The following SIN3A variants were observed in gnomAD, a reference collection of about 807,000 sequenced individuals.
SIN3A encodes the protein paired amphipathic helix protein Sin3a.
Under a neutral mutation model 146.1 loss-of-function variants are expected in SIN3A, and 14 were observed. The ratio of observed to expected loss-of-function variants is 0.10; its 90% CI spans 0.06 to 0.15. The LOEUF (loss-of-function observed/expected upper bound fraction) is 0.15, where lower values mean the gene tolerates loss of function less well. Among genes scored for constraint, SIN3A ranks in the 10% least tolerant of loss-of-function variants. SIN3A has a pLI of 1.00. For missense variants in SIN3A, 1,028 were observed against 1,576.0 expected (o/e 0.65, Z 5.89); for synonymous variants, 572 against 572.0 (o/e 1.00, Z 0.00).
At chr15:75,379,158 A>T (rs879858901) in intron 19 of SIN3A, among the ~76,000 whole-genome samples, 1 of 152,210 alleles carries the variant, frequency 6.6e-6, no homozygotes, top group Non-Finnish European at 1.5e-5. Context: ...TCGGCCTCCC[A>T]AAGTGCTGGA....
chr15:75,439,737 CTCTTA>C (rs1452102651), intron 1 of SIN3A, among the ~76,000 whole-genome samples: 2 of 152,114 alleles, frequency 1.3e-5, no homozygotes, highest in Admixed American at 6.6e-5. Flanking sequence ...TTTTTTAGAA[CTCTTA>C]TCTTTTTTTA....
chr15:75,420,062 G>A (rs1378934663), intron 3 of SIN3A: 2 of 152,066 alleles, frequency 1.3e-5, no homozygotes, highest in African/African-American at 4.8e-5. Context: ...CAGATTTAAG[G>A]AAGCACTTGG....
intron 1 of SIN3A, among the ~76,000 whole-genome samples, chr15:75,440,982 C>CAAAAA (rs769091157): frequency 1.4e-5 from 1 of 71,560 alleles, no homozygotes. Flanking sequence ...GACTCTGTCT[C>CAAAAA]AAAAAAAAAA....
At chr15:75,437,706 C>T (rs560436695) in intron 1 of SIN3A, among the ~76,000 whole-genome samples, 2 of 152,230 alleles carry the variant, frequency 1.3e-5, no homozygotes, top group East Asian at 1.9e-4. Flanking sequence ...TGTCAAGTCC[C>T]GCTTCAGCCA....
chr15:75,397,105 T>G (rs552855723), intron 12 of SIN3A, among the ~76,000 whole-genome samples: 1 of 152,326 alleles, frequency 6.6e-6, no homozygotes, highest in South Asian at 2.1e-4. Context: ...GGGTAACCAT[T>G]TAAATTCTTA....
intron 16 of SIN3A, among the ~76,000 whole-genome samples, chr15:75,385,870 A>T (rs1219164524): frequency 6.6e-6 from 1 of 152,234 alleles, no homozygotes; most frequent in Non-Finnish European, 1.5e-5. Flanking sequence ...CAATGAGTCC[A>T]GATAAAGGAT....
intron 2 of SIN3A, among the ~76,000 whole-genome samples, chr15:75,425,227 G>A (rs2073905121): frequency 6.6e-6 from 1 of 152,204 alleles, no homozygotes; most frequent in South Asian, 2.1e-4. Flanking sequence ...CTGGAGTGCA[G>A]TAGCACAATT....
At chr15:75,424,814 T>C (rs1453078358) in intron 2 of SIN3A, among the ~76,000 whole-genome samples, 3 of 152,188 alleles carry the variant, frequency 2.0e-5, no homozygotes, top group Non-Finnish European at 4.4e-5. Flanking sequence ...AAAATGATCA[T>C]GTCCAATTGC....
chr15:75,406,694 AAAG>A (rs775712017), intron 9 of SIN3A, among the ~76,000 whole-genome samples: 2 of 152,246 alleles, frequency 1.3e-5, no homozygotes, highest in Non-Finnish European at 2.9e-5. Context: ...TCAAAAAAAA[AAAG>A]ATTACAAGTC....
At chr15:75,393,291 T>G (rs1310860190) in intron 14 of SIN3A, among the ~76,000 whole-genome samples, 1 of 152,168 alleles carries the variant, frequency 6.6e-6, no homozygotes, top group African/African-American at 2.4e-5. Context: ...AACAAATAGG[T>G]AATGACAGAG....
chr15:75,423,317 T>A (rs1369897602), intron 2 of SIN3A, among the ~76,000 whole-genome samples: 1 of 152,054 alleles, frequency 6.6e-6, no homozygotes, highest in Non-Finnish European at 1.5e-5. Context: ...AACCCAAATT[T>A]TCCACAAAAG....
chr15:75,371,881 G>T lies in SIN3A; in HGVS notation c.*98C>A. 8.9e-7 allele frequency: 1 copy of T among 1,122,494 alleles called. No homozygotes were observed. The allele number at this position is 1,122,494 out of a possible 1,614,324, so 69.5% of individuals were successfully genotyped here. On this transcript the variant is annotated 3_prime_UTR_variant, in exon 21 of 21. Coordinates refer to ENST00000394947, the MANE Select transcript of SIN3A (RefSeq NM_001145358.2). ...CCATGTCCCAGAGAGGCCCAGTGAGGCTTGAAAGGCATCTTCCTTGTTTCT... is the reference window on the plus strand; with the variant it reads ...CCATGTCCCAGAGAGGCCCAGTGAGTCTTGAAAGGCATCTTCCTTGTTTCT...
chr15:75,444,510 T>C (rs1381590363), intron 1 of SIN3A, among the ~76,000 whole-genome samples: 1 of 151,860 alleles, frequency 6.6e-6, no homozygotes, highest in Non-Finnish European at 1.5e-5. Flanking sequence ...ATAAAAGTCA[T>C]GAAATATACA....
intron 1 of SIN3A, among the ~76,000 whole-genome samples, chr15:75,439,888 C>T (rs528139543): frequency 5.9e-5 from 9 of 151,886 alleles, no homozygotes; most frequent in Admixed American, 3.9e-4. Context: ...TGGTGGCTCA[C>T]GCCTGTAATC....
At chr15:75,415,720 G>A (rs1290221754) in intron 3 of SIN3A, 6 of 163,482 alleles carry the variant, frequency 3.7e-5, no homozygotes, top group Non-Finnish European at 6.6e-5. Context: ...GCATGGTGGC[G>A]CATGTCTGTA....
chr15:75,385,056 C>T (rs1187623090), intron 16 of SIN3A, among the ~76,000 whole-genome samples: 1 of 152,082 alleles, frequency 6.6e-6, no homozygotes, highest in Non-Finnish European at 1.5e-5. Flanking sequence ...GCCTGTAATC[C>T]CAGCTACTTG....
rs973496315 is a variant in SIN3A at position 75,390,763 on chromosome 15, G to T, written c.2852-942C>A. On this transcript the variant is annotated intron_variant, in intron 15 of 20. Coordinates refer to ENST00000394947, the MANE Select transcript of SIN3A (RefSeq NM_001145358.2). ...TACCTTATATGTATTTTTTTGTAGAGATGGGGTCTCACTTATTAACCAGGC... is the reference window on the plus strand; with the variant it reads ...TACCTTATATGTATTTTTTTGTAGATATGGGGTCTCACTTATTAACCAGGC... 1.1e-4 allele frequency among the ~76,000 whole-genome samples: 17 copies of T among 152,132 alleles called. No individual in the cohort carries two copies. In the East Asian group the frequency reaches 3.3e-3, roughly 29 times the overall value.
chr15:75,409,702 G>C, intron 8 of SIN3A, 134 bp downstream of exon 8: 1 of 928,672 alleles, frequency 1.1e-6, no homozygotes, highest in South Asian at 1.7e-5. Flanking sequence ...ACTCCAGCTT[G>C]GGCGACAGAG....
chr15:75,411,914 G>A (rs1010339707), intron 5 of SIN3A, among the ~76,000 whole-genome samples, 171 bp from the exon 6 acceptor site: 4 of 152,160 alleles, frequency 2.6e-5, no homozygotes, highest in East Asian at 3.9e-4. Context: ...AGTTGTAGGC[G>A]GTTCAAACAT....
Sources: allele counts gnomAD v4.1 joint callset (sites outside exome capture counted in the v4.1 genomes callset), GRCh38; gene constraint gnomAD v4.1.1; transcripts MANE v1.5; gene names NCBI Gene and HGNC (gene_info 2026-07-23, HGNC 2026-07-21).